Variants in ATAD2 observed in about 807,000 individuals in gnomAD.
ATAD2 encodes ATPase family AAA domain containing 2, also known as ATPase family AAA domain-containing protein 2.
ATAD2 carries 62 observed loss-of-function variants against 168.9 expected under a neutral mutation model. That is an observed-to-expected ratio of 0.37 (90% confidence interval 0.30 to 0.45). The LOEUF (loss-of-function observed/expected upper bound fraction) is 0.45, where lower values mean the gene tolerates loss of function less well. Among genes scored for constraint, ATAD2 ranks in the 20% least tolerant of loss-of-function variants. The pLI, the probability that ATAD2 is intolerant of heterozygous loss-of-function variation, is 1.00. For missense variants in ATAD2, 1,419 were observed against 1,667.8 expected (o/e 0.85, Z 2.60); for synonymous variants, 613 against 571.6 (o/e 1.07, Z -1.03).
intron 9 of ATAD2, 41 bp from the exon 10 acceptor site, chr8:123,359,726 C>A (rs1367970998): frequency 7.4e-7 from 1 of 1,342,498 alleles, no homozygotes; most frequent in South Asian, 1.3e-5. Context: ...AACCCATCAA[C>A]TCACCCTCCT....
rs1586890844 is a variant in ATAD2 at position 123,371,317 on chromosome 8, T to C, written c.558A>G (p.Gln186=). Residue 186 remains glutamine (Q), a synonymous_variant, in exon 5 of 28, where the codon CAA becomes CAG. Transcript: ENST00000287394. ...GCATCTTCTTCATGTCATCCATTTT[T>C]TGAAGTACAGCTTCAGCAGTGCTTT... The part of the protein sequence containing the change: ...LITNTAEAVL[Q]KMDDMKKMRR... The C allele has an allele frequency of 1.2e-6, 2 of 1,608,510 alleles. No homozygotes were observed. The highest frequency in any genetic ancestry group is 1.7e-4 in the Middle Eastern group (1 of 6,046).
intron 22 of ATAD2, 130 bp downstream of exon 22, chr8:123,336,243 A>G: frequency 1.3e-6 from 1 of 796,712 alleles, no homozygotes; most frequent in Non-Finnish European, 1.8e-6. Context: ...TACCATTTGT[A>G]AAATGGTTGT....
intron 1 of ATAD2, among the ~76,000 whole-genome samples, chr8:123,388,152 A>G (rs1029198861): frequency 2.0e-5 from 3 of 152,162 alleles, no homozygotes; most frequent in African/African-American, 4.8e-5. Flanking sequence ...TACATCCAAT[A>G]GCCTTTTCTC....
At position 123,321,104 on chromosome 8, in the gene ATAD2, A is replaced by AT; in HGVS notation, c.*29dup. ...CAAAAATGACTTAAATAGGAACTGA[A>AT]TATAAAGAATACTCGATACCATGAC... On this transcript the variant is annotated 3_prime_UTR_variant, in exon 28 of 28. Coordinates refer to ENST00000287394, the MANE Select transcript of ATAD2 (RefSeq NM_014109.4). 1 of 1,599,494 alleles carries AT rather than the reference A, an allele frequency of 6.3e-7. No homozygotes were observed. Among genetic ancestry groups the AT allele is most frequent in the Non-Finnish European group, 8.5e-7 (1 of 1,171,850 alleles).
At chr8:123,348,120 A>G in intron 15 of ATAD2, 63 bp downstream of exon 15, 1 of 1,344,978 alleles carries the variant, frequency 7.4e-7, no homozygotes, top group South Asian at 1.3e-5. Flanking sequence ...CCAACCTAAT[A>G]TAACTTGTTT....
At chr8:123,392,592 G>C (rs1812630812) in intron 1 of ATAD2, among the ~76,000 whole-genome samples, 1 of 151,516 alleles carries the variant, frequency 6.6e-6, no homozygotes, top group Admixed American at 6.6e-5. Context: ...TAATTCCTGA[G>C]GTTTTGTTTT....
Position 123,402,042 on chromosome 8 carries a change from G to A in ATAD2, c.-2281-867C>T, listed in dbSNP as rs1306135459. 1.7e-5 allele frequency: 26 copies of A among 1,506,398 alleles called. No homozygotes were observed. Among genetic ancestry groups the A allele is most frequent in the East Asian group, 2.3e-5 (1 of 44,206 alleles). 93.3% of individuals were successfully genotyped at this position (1,506,398 alleles called of 1,614,324 possible). A position where few individuals can be genotyped will look rare whatever the true frequency, so the allele number is the denominator to read the frequency against. On this transcript the variant is annotated intron_variant, in intron 1 of 28. Coordinates refer to the ATAD2 transcript ENST00000521903. This position sits in a 1 kb window ranked among gnomAD's most constrained non-coding sequence, Gnocchi z 4.8. ...TCAGGAGAGCTCAAGTTTGAGAAGC[G>A]TACCATGTCGGCCCAGATTGAGGGT... is the stretch of plus-strand genomic sequence containing the variant.
chr8:123,336,884 T>C (rs1827930231), intron 21 of ATAD2, among the ~76,000 whole-genome samples: 1 of 151,938 alleles, frequency 6.6e-6, no homozygotes, highest in African/African-American at 2.4e-5. Context: ...ATCATGCCTG[T>C]AATCCCCAGC....
chr8:123,347,380 T>C lies in ATAD2; in HGVS notation c.1924A>G (p.Ile642Val), dbSNP rs777671866. Residue 642 changes from isoleucine to valine, a missense_variant, in exon 16 of 28, where the codon ATA becomes GTA. Coordinates refer to ENST00000287394, the MANE Select transcript of ATAD2 (RefSeq NM_014109.4). ...GCACATAAAGCAGCTTCAGCACATA[T>C]TGATTTAATATCTGCTCCACAGTAT... ...VGYCGADIKSICAEAALCALR... is the reference protein window; with the variant it reads ...VGYCGADIKSVCAEAALCALR... The C allele has an allele frequency of 8.1e-6, 13 of 1,612,994 alleles. No homozygotes were observed. Among genetic ancestry groups the C allele is most frequent in the African/African-American group, 2.7e-5 (2 of 74,886 alleles).
chr8:123,372,172 A>AT (rs1829169237), intron 3 of ATAD2, among the ~76,000 whole-genome samples: 2 of 152,216 alleles, frequency 1.3e-5, no homozygotes, highest in African/African-American at 4.8e-5. Flanking sequence ...CATATAATGG[A>AT]ATACTACTCA....
chr8:123,359,783 T>A, intron 9 of ATAD2, 98 bp from the exon 10 acceptor site: 1 of 816,076 alleles, frequency 1.2e-6, no homozygotes, highest in Non-Finnish European at 1.9e-6. Context: ...AAAAAAAAAA[T>A]CTAAATTTCA....
chr8:123,409,755 G>A (rs1433444668), intron 1 of ATAD2, among the ~76,000 whole-genome samples: 2 of 151,772 alleles, frequency 1.3e-5, no homozygotes, highest in South Asian at 2.1e-4. Flanking sequence ...ATCACCTGGG[G>A]TTGGTTTAGT....
chr8:123,333,862 C>T lies in ATAD2; in HGVS notation c.3478+16G>A. 1 of 1,573,752 alleles carries T rather than the reference C, an allele frequency of 6.4e-7. No individual in the cohort carries two copies. Among genetic ancestry groups the T allele is most frequent in the Non-Finnish European group, 8.6e-7 (1 of 1,160,314 alleles). ...AAAGTTATAATTTCATAAATGAAAA[C>T]TACTTGAGTACTTACCAGGAGTGCT... On this transcript the variant is annotated intron_variant, in intron 24 of 27. Transcript: ENST00000287394.
intron 24 of ATAD2, among the ~76,000 whole-genome samples, chr8:123,330,124 G>C (rs879397221): frequency 6.6e-6 from 1 of 151,378 alleles, no homozygotes; most frequent in African/African-American, 2.4e-5. Context: ...AAGAAGGTAG[G>C]GCTACAAATG....
intron 27 of ATAD2, among the ~76,000 whole-genome samples, chr8:123,321,800 T>C (rs1827475067): frequency 6.6e-6 from 1 of 151,946 alleles, no homozygotes; most frequent in Admixed American, 6.6e-5. Flanking sequence ...CCCAGTGTGG[T>C]GGTGCTTGCC....
chr8:123,322,112 C>T (rs768948562), intron 27 of ATAD2, among the ~76,000 whole-genome samples: 3 of 151,760 alleles, frequency 2.0e-5, no homozygotes, highest in African/African-American at 2.4e-5. Context: ...CTCAGCCACC[C>T]GAGTAGCTAG....
upstream of ATAD2, among the ~76,000 whole-genome samples, chr8:123,399,028 C>T (rs913337214): frequency 2.0e-5 from 3 of 152,002 alleles, no homozygotes; most frequent in African/African-American, 2.4e-5. Context: ...TTTGGGAGGC[C>T]GAGGTGGGCA....
At chr8:123,391,213 A>G (rs1022896436) in intron 1 of ATAD2, among the ~76,000 whole-genome samples, 1 of 152,036 alleles carries the variant, frequency 6.6e-6, no homozygotes, top group Non-Finnish European at 1.5e-5. Flanking sequence ...GAAGAAAAAG[A>G]AACTACAGAA....
At chr8:123,410,935 C>T (rs1048999786) in intron 1 of ATAD2, among the ~76,000 whole-genome samples, 4 of 152,214 alleles carry the variant, frequency 2.6e-5, no homozygotes, top group East Asian at 3.9e-4. Flanking sequence ...TCATCCTAAT[C>T]GAGCTGAACA....
Sources: gnomAD v4.1 joint callset for allele counts (sites outside exome capture counted in the v4.1 genomes callset) on GRCh38, gnomAD v4.1.1 for gene constraint, Gnocchi (gnomAD v3.1) non-coding constraint, MANE v1.5 for transcripts, NCBI Gene and HGNC (gene_info 2026-07-23, HGNC 2026-07-21) for gene names.